UTP14C: variants seen among roughly 807,000 people sequenced by gnomAD.
UTP14C encodes U3 small nucleolar RNA-associated protein 14 homolog C.
Under a neutral mutation model 14.6 loss-of-function variants are expected in UTP14C, and 10 were observed. The ratio of observed to expected loss-of-function variants is 0.68; its 90% CI spans 0.42 to 1.16. The LOEUF (loss-of-function observed/expected upper bound fraction) is 1.16. Ranked by LOEUF, UTP14C falls within the 50% of genes most tolerant of loss-of-function variation. The probability of loss-of-function intolerance (pLI) is 0.00; values close to 1 mark genes in which losing one functional copy is unlikely to be tolerated. For missense variants in UTP14C, 818 were observed against 890.8 expected, an observed-to-expected ratio of 0.92 and a Z score of 1.04; for synonymous variants, 315 against 331.6, an observed-to-expected ratio of 0.95 and a Z score of 0.54.
At position 52,028,514 on chromosome 13, in the gene UTP14C, G is replaced by C; in HGVS notation, c.-291G>C. 2 of 1,614,114 alleles carry C rather than the reference G, an allele frequency of 1.2e-6. No individual in the cohort carries two copies. The highest frequency in any genetic ancestry group is 1.7e-6 in the Non-Finnish European group (2 of 1,180,006). ...AGACTCCAAATCAGAAAAAGTGCTC[G>C]TGCATCTGTAAGCAGATTCTCTGAT... On this transcript the variant is annotated 5_prime_UTR_variant, in exon 2 of 2. Transcript: ENST00000521776.
intron 1 of UTP14C, among the ~76,000 whole-genome samples, chr13:52,025,756 G>A (rs941122391): frequency 5.3e-5 from 8 of 152,188 alleles, no homozygotes; most frequent in East Asian, 3.8e-4. Context: ...TTTCTCAAGC[G>A]CTTTGTGCCT....
Position 52,029,119 on chromosome 13 carries a change from A to G in UTP14C, c.315A>G (p.Gln105=). 1 of 1,614,244 alleles carries G rather than the reference A, an allele frequency of 6.2e-7. No homozygotes were observed. Among genetic ancestry groups the G allele is most frequent in the Non-Finnish European group, 8.5e-7 (1 of 1,180,044 alleles). The stretch of plus-strand genomic sequence containing the variant: ...CTTCTTTGGCCACTGTAAAAAAGCA[A>G]CTGAATAGAGTCAAATCAAAGAAGG... The part of the protein sequence containing the change: ...TSSSLATVKK[Q]LNRVKSKKVV... The change falls in exon 2 of 2, where the codon CAA becomes CAG. Residue 105 remains glutamine (Q), a synonymous_variant. Coordinates refer to ENST00000521776, the MANE Select transcript of UTP14C (RefSeq NM_021645.6).
Position 52,030,332 on chromosome 13 carries a change from G to A in UTP14C, c.1528G>A (p.Glu510Lys), listed in dbSNP as rs777829785. 9 of 1,614,070 alleles carry A rather than the reference G, an allele frequency of 5.6e-6. No individual in the cohort carries two copies. The African/African-American group carries it at 1.1e-4, about 19-fold the overall frequency. Residue 510 changes from glutamate to lysine, a missense_variant, in exon 2 of 2, where the codon GAA becomes AAA. By Grantham distance (56) the Glu-to-Lys change is moderately conservative. Transcript: ENST00000521776. ...LQRSERVQTL[E>K]ELEELGKEDC... is the part of the protein sequence containing the mutation. ...GAGGTCAGAGAGAGTACAAACTCTGGAAGAGCTAGAAGAGCTGGGAAAAGA... is the reference window on the plus strand; with the variant it reads ...GAGGTCAGAGAGAGTACAAACTCTGAAAGAGCTAGAAGAGCTGGGAAAAGA...
At chr13:52,025,010 A>T in intron 1 of UTP14C, 73 bp downstream of exon 1, 1 of 1,479,532 alleles carries the variant, frequency 6.8e-7, no homozygotes, top group Non-Finnish European at 9.3e-7. Flanking sequence ...TAAAATGATA[A>T]TACTCTGGAA....
chr13:52,024,994 T>C, intron 1 of UTP14C, 57 bp downstream of exon 1: 3 of 1,531,556 alleles, frequency 2.0e-6, no homozygotes, highest in Non-Finnish European at 2.7e-6. Flanking sequence ...TTTTAAGTTC[T>C]TTTGATAAAA....
At chr13:52,027,987 G>A (rs1484719423) in intron 1 of UTP14C, among the ~76,000 whole-genome samples, 1 of 151,906 alleles carries the variant, frequency 6.6e-6, no homozygotes, top group Non-Finnish European at 1.5e-5. Flanking sequence ...GCTGGGTGTG[G>A]TAGCTCACGC....
chr13:52,027,776 T>G (rs1276508801), intron 1 of UTP14C, among the ~76,000 whole-genome samples: 1 of 152,266 alleles, frequency 6.6e-6, no homozygotes, highest in East Asian at 1.9e-4. Context: ...ATTCACTTTT[T>G]TATTTTTTCT....
At position 52,032,967 on chromosome 13, in the gene UTP14C, T is replaced by C. The variant is rs575211038; in HGVS notation, c.*1862T>C. 3 of 167,230 alleles carry C rather than the reference T, an allele frequency of 1.8e-5. No homozygotes were observed. The highest frequency in any genetic ancestry group is 3.9e-4 in the East Asian group (2 of 5,190). 10.4% of individuals were successfully genotyped at this position (167,230 alleles called of 1,614,324 possible). ...CTTTGAAGTAAGATTCAAACTGTTA[T>C]CCACTCAATTGCCTTATTCCTGAGG... On this transcript the variant is annotated 3_prime_UTR_variant, in exon 2 of 2. Coordinates refer to ENST00000521776, the MANE Select transcript of UTP14C (RefSeq NM_021645.6).
In UTP14C at chr13:52,031,339, G is replaced by A. The variant is rs1954301918; in HGVS notation, c.*234G>A. The A allele has an allele frequency of 1.7e-6, 1 of 599,394 alleles. No homozygotes were observed. Among genetic ancestry groups the A allele is most frequent in the African/African-American group, 1.8e-5 (1 of 54,060 alleles). The allele number at this position is 599,394 out of a possible 1,614,324, so 37.1% of individuals were successfully genotyped here. ...TTAAATTCTAAACAATACAGTGGATGACCCTTTTGAATATACCTAATGATT... is the reference window on the plus strand; with the variant it reads ...TTAAATTCTAAACAATACAGTGGATAACCCTTTTGAATATACCTAATGATT... On this transcript the variant is annotated 3_prime_UTR_variant, in exon 2 of 2. Coordinates refer to ENST00000521776, the MANE Select transcript of UTP14C (RefSeq NM_021645.6).
rs757125766 is a variant in UTP14C at position 52,030,929 on chromosome 13, C to A, written c.2125C>A (p.Gln709Lys). The change falls in exon 2 of 2, where the codon CAG becomes AAG. Residue 709 changes from glutamine to lysine, a missense_variant. Transcript: ENST00000521776. Reference sequence around the variant, plus strand: ...CCCTATAGGATCCACATGGAACACCCAGAGGGCTTTCCAAAAGCTGACTAC... The same window carrying A: ...CCCTATAGGATCCACATGGAACACCAAGAGGGCTTTCCAAAAGCTGACTAC... ...QTPIGSTWNT[Q>K]RAFQKLTTPK... The A allele has an allele frequency of 1.5e-5, 25 of 1,614,032 alleles. 1 individual carries two copies. The South Asian group carries it at 2.7e-4, about 18-fold the overall frequency.
Position 52,031,460 on chromosome 13 carries a change from A to C in UTP14C, c.*355A>C, listed in dbSNP as rs1308650154. On this transcript the variant is annotated 3_prime_UTR_variant, in exon 2 of 2. Transcript: ENST00000521776. ...TGACTGATGCTTTATAGGTGTGTGT[A>C]GGGTGGTAGAGGCCAAGGTGCTGCC... 1 of 221,200 alleles carries C rather than the reference A, an allele frequency of 4.5e-6. No individual in the cohort carries two copies. Among genetic ancestry groups the C allele is most frequent in the Non-Finnish European group, 9.8e-6 (1 of 101,644 alleles). 13.7% of individuals were successfully genotyped at this position (221,200 alleles called of 1,614,324 possible).
intron 1 of UTP14C, among the ~76,000 whole-genome samples, chr13:52,026,807 A>C (rs973640608): frequency 2.6e-5 from 4 of 152,152 alleles, no homozygotes; most frequent in Admixed American, 6.5e-5. Context: ...TAGGAGTCTG[A>C]AGTTGAGAGG....
In UTP14C at chr13:52,030,158, C is replaced by G; in HGVS notation, c.1354C>G (p.Gln452Glu). 1 of 1,614,186 alleles carries G rather than the reference C, an allele frequency of 6.2e-7. No homozygotes were observed. The highest frequency in any genetic ancestry group is 8.5e-7 in the Non-Finnish European group (1 of 1,180,030). Residue 452 changes from glutamine (Q) to glutamate (E), a missense_variant, in exon 2 of 2, where the codon CAG (glutamine) becomes GAG (glutamate). Transcript: ENST00000521776. ...TCAAGAAACAAAAGATTCTAGCAGC[C>G]AGGAGGTGCTGTCCGAATTGAGGGC... is the stretch of plus-strand genomic sequence containing the variant. ...SSQETKDSSS[Q>E]EVLSELRALS...
Position 52,031,147 on chromosome 13 carries a change from ACTTC to A in UTP14C, c.*46_*49del. 6.4e-7 allele frequency: 1 copy of A among 1,566,118 alleles called. No individual in the cohort carries two copies. The highest frequency in any genetic ancestry group is 1.7e-4 in the Middle Eastern group (1 of 5,786). On this transcript the variant is annotated 3_prime_UTR_variant, in exon 2 of 2. Coordinates refer to ENST00000521776, the MANE Select transcript of UTP14C (RefSeq NM_021645.6). ...AGTGACAGTCAGGGGCCCTGATTCC[ACTTC>A]CTTTGGTCCAGTTTTACTCTGCTAC...
chr13:52,026,398 A>C (rs111933506), intron 1 of UTP14C, among the ~76,000 whole-genome samples: 3 of 152,226 alleles, frequency 2.0e-5, no homozygotes, highest in Non-Finnish European at 4.4e-5. Context: ...TATTGCACGT[A>C]AAAGCTTTCT....
In UTP14C at chr13:52,031,293, C is replaced by A; in HGVS notation, c.*188C>A. On this transcript the variant is annotated 3_prime_UTR_variant, in exon 2 of 2. Coordinates refer to ENST00000521776, the MANE Select transcript of UTP14C (RefSeq NM_021645.6). ...TTTTAGAATTGATCAGACATTAGAA[C>A]ACAGAAAAATTCTAGTACATTTAAA... is the stretch of plus-strand genomic sequence containing the variant. 1 of 868,868 alleles carries A rather than the reference C, an allele frequency of 1.2e-6. No homozygotes were observed. The highest frequency in any genetic ancestry group is 1.7e-6 in the Non-Finnish European group (1 of 585,192). The allele number at this position is 868,868 out of a possible 1,614,324, so 53.8% of individuals were successfully genotyped here.
At position 52,029,271 on chromosome 13, in the gene UTP14C, T is replaced by C. The variant is rs1046534683; in HGVS notation, c.467T>C (p.Leu156Pro). The C allele has an allele frequency of 2.5e-6, 4 of 1,614,172 alleles. No homozygotes were observed. The Admixed American group carries it at 6.7e-5, about 27-fold the overall frequency. ...IILKNQQAEQ[L>P]VFPLGKEQPA... Reference sequence around the variant, plus strand: ...CTGAAGAACCAGCAGGCAGAGCAGCTGGTTTTTCCCCTGGGGAAGGAGCAG... The same window carrying C: ...CTGAAGAACCAGCAGGCAGAGCAGCCGGTTTTTCCCCTGGGGAAGGAGCAG... The change falls in exon 2 of 2, where the codon CTG becomes CCG. Residue 156 changes from leucine to proline, a missense_variant. Physicochemically the swap from Leu to Pro is moderately conservative, Grantham distance 98. Transcript: ENST00000521776.
intron 1 of UTP14C, among the ~76,000 whole-genome samples, chr13:52,026,402 G>A (rs1954240953): frequency 6.6e-6 from 1 of 152,190 alleles, no homozygotes; most frequent in Non-Finnish European, 1.5e-5. Flanking sequence ...GCACGTAAAA[G>A]CTTTCTGATT....
In UTP14C at chr13:52,029,487, G is replaced by A. The variant is rs200336699; in HGVS notation, c.683G>A (p.Arg228Lys). 28 of 1,614,096 alleles carry A rather than the reference G, an allele frequency of 1.7e-5. No individual in the cohort carries two copies. The East Asian group carries it at 6.2e-4, about 36-fold the overall frequency. The change falls in exon 2 of 2, where the codon AGG becomes AAG. Residue 228 changes from arginine (R) to lysine (K), a missense_variant. Arg to Lys is a conservative substitution (Grantham distance 26, BLOSUM62 2). Coordinates refer to ENST00000521776, the MANE Select transcript of UTP14C (RefSeq NM_021645.6). ...AAGATGCACCGAGCAGAGCTTCAGA[G>A]GGCTCGGGCTCTGCAGTCCTACTAT... ...EAKMHRAELQ[R>K]ARALQSYYEA...
Sources: allele counts gnomAD v4.1 joint callset (sites outside exome capture counted in the v4.1 genomes callset), GRCh38; gene constraint gnomAD v4.1.1; transcripts MANE v1.5; gene names NCBI Gene and HGNC (gene_info 2026-07-23, HGNC 2026-07-21).